The following DENND1A variants were observed in gnomAD, a reference collection of about 807,000 sequenced individuals.
DENND1A encodes the protein DENN domain containing 1A.
Under a neutral mutation model 113.7 loss-of-function variants are expected in DENND1A, and 51 were observed. The ratio of observed to expected loss-of-function variants is 0.45; its 90% CI spans 0.36 to 0.57. The LOEUF is 0.57. Among genes scored for constraint, DENND1A ranks in the 20% least tolerant of loss-of-function variants. The probability of loss-of-function intolerance (pLI) is 0.00; values close to 1 mark genes in which losing one functional copy is unlikely to be tolerated. For missense variants in DENND1A, 1,258 were observed against 1,395.9 expected, an observed-to-expected ratio of 0.90 and a Z score of 1.57; for synonymous variants, 565 against 570.8, an observed-to-expected ratio of 0.99 and a Z score of 0.14.
At chr9:123,642,919 G>A (rs545467295) in intron 9 of DENND1A, among the ~76,000 whole-genome samples, 97 of 152,332 alleles carry the variant, frequency 6.4e-4, no homozygotes, top group Middle Eastern at 3.4e-3. Flanking sequence ...ACAAGGTGGC[G>A]TTCGTCAGGA....
chr9:123,437,798 A>G (rs918055592), intron 19 of DENND1A: 2 of 152,092 alleles, frequency 1.3e-5, no homozygotes, highest in African/African-American at 4.8e-5. Flanking sequence ...CCTCAAAGGG[A>G]TGTGGTGGAG....
intron 11 of DENND1A, among the ~76,000 whole-genome samples, chr9:123,598,871 G>A (rs1444196222): frequency 6.6e-6 from 1 of 152,132 alleles, no homozygotes; most frequent in Non-Finnish European, 1.5e-5. Flanking sequence ...TAGGCACCAA[G>A]GTTTAGCAGA....
At position 123,381,359 on chromosome 9, in the gene DENND1A, C is replaced by CG; in HGVS notation, c.*72dup. ...CAGAACCTGGGCAGAGAGAGAGTGG[C>CG]GGGGGAGCCTCGGAACCGCAGCAGT... On this transcript the variant is annotated 3_prime_UTR_variant, in exon 24 of 24. Coordinates refer to ENST00000394215, the MANE Select transcript of DENND1A (RefSeq NM_001352964.2). This position sits in a 1 kb window ranked among gnomAD's most constrained non-coding sequence, Gnocchi z 4.7. The CG allele has an allele frequency of 7.2e-7, 1 of 1,383,880 alleles. No homozygotes were observed. The highest frequency in any genetic ancestry group is 9.8e-7 in the Non-Finnish European group (1 of 1,021,104). The allele number at this position is 1,383,880 out of a possible 1,614,324, so 85.7% of individuals were successfully genotyped here.
chr9:123,805,977 G>A (rs1473139797), intron 2 of DENND1A, among the ~76,000 whole-genome samples: 1 of 152,014 alleles, frequency 6.6e-6, no homozygotes, highest in East Asian at 1.9e-4. Context: ...GTTTTCAGAT[G>A]GAGTCTCGCT....
At chr9:123,836,049 CTAT>C (rs1841005293) in intron 2 of DENND1A, among the ~76,000 whole-genome samples, 1 of 152,072 alleles carries the variant, frequency 6.6e-6, no homozygotes, top group Non-Finnish European at 1.5e-5. Flanking sequence ...TTGGCAGTTA[CTAT>C]TATTATTTCT....
At chr9:123,723,391 A>G (rs2067479523) in intron 5 of DENND1A, among the ~76,000 whole-genome samples, 1 of 151,986 alleles carries the variant, frequency 6.6e-6, no homozygotes. Context: ...ACTTTGGGGG[A>G]CTGTTGGGAA....
At chr9:123,651,083 A>T (rs948782496) in intron 9 of DENND1A, among the ~76,000 whole-genome samples, 1 of 151,944 alleles carries the variant, frequency 6.6e-6, no homozygotes, top group African/African-American at 2.4e-5. Context: ...GAATTTTCAT[A>T]AAAAATATTG....
At chr9:123,702,979 A>G (rs1325389498) in intron 5 of DENND1A, among the ~76,000 whole-genome samples, 1 of 152,198 alleles carries the variant, frequency 6.6e-6, no homozygotes, top group Non-Finnish European at 1.5e-5. Context: ...AAAAATAACT[A>G]CAATGATTTT....
intron 21 of DENND1A, 130 bp downstream of exon 21, chr9:123,403,272 T>C: frequency 1.1e-6 from 1 of 876,360 alleles, no homozygotes; most frequent in Admixed American, 2.2e-5. Context: ...GAATGACCCC[T>C]TTGTGAAACA....
At chr9:123,887,034 A>G (rs1849202560) in intron 1 of DENND1A, among the ~76,000 whole-genome samples, 1 of 152,162 alleles carries the variant, frequency 6.6e-6, no homozygotes, top group South Asian at 2.1e-4. Flanking sequence ...AGAGAGACAA[A>G]GCCTGAACAC....
At chr9:123,707,178 T>C (rs1320900811) in intron 5 of DENND1A, among the ~76,000 whole-genome samples, 1 of 152,194 alleles carries the variant, frequency 6.6e-6, no homozygotes, top group African/African-American at 2.4e-5. Context: ...GCGGATCACC[T>C]GATATCAGGA....
intron 4 of DENND1A, among the ~76,000 whole-genome samples, chr9:123,760,647 T>A (rs1235820800): frequency 6.6e-6 from 1 of 152,246 alleles, no homozygotes; most frequent in African/African-American, 2.4e-5. Context: ...ATGCCTGTTA[T>A]GTTTTATCCA....
chr9:123,584,445 C>T (rs775211954), intron 11 of DENND1A, among the ~76,000 whole-genome samples: 30 of 152,178 alleles, frequency 2.0e-4, no homozygotes, highest in African/African-American at 1.7e-4. Flanking sequence ...TGGCACCAGT[C>T]GGGGAATGGG....
Position 123,574,916 on chromosome 9 carries a change from C to T in DENND1A, c.867+8253G>A, listed in dbSNP as rs79628866. Among the ~76,000 whole-genome samples the T allele has an allele frequency of 5.2e-3, 788 of 152,326 alleles. 6 individuals are homozygous for T. Among genetic ancestry groups the T allele is most frequent in the South Asian group, 8.3e-3 (40 of 4,822 alleles). On this transcript the variant is annotated intron_variant, in intron 12 of 23. Transcript: ENST00000394215. ...ACTCCAGACTTTATTGTGATTTCAT[C>T]AGTTTTCCATTCATGCCATTTTTCT...
intron 10 of DENND1A, among the ~76,000 whole-genome samples, chr9:123,624,399 C>G (rs191275958): frequency 6.6e-6 from 1 of 152,318 alleles, no homozygotes; most frequent in East Asian, 1.9e-4. Context: ...GTGGTAGTGG[C>G]TGAAGGTGGT....
intron 2 of DENND1A, among the ~76,000 whole-genome samples, chr9:123,813,495 C>T (rs184057566): frequency 9.9e-4 from 148 of 150,186 alleles, no homozygotes; most frequent in African/African-American, 3.1e-3. Flanking sequence ...CTAAGGGCAG[C>T]TGGCAAAGCC....
intron 1 of DENND1A, among the ~76,000 whole-genome samples, chr9:123,926,785 C>G (rs921006950): frequency 2.6e-5 from 4 of 151,834 alleles, no homozygotes; most frequent in African/African-American, 9.7e-5. Flanking sequence ...CAACCATGTG[C>G]CAGGCATTGA....
chr9:123,424,799 T>C (rs2045587877), intron 19 of DENND1A, among the ~76,000 whole-genome samples: 1 of 152,242 alleles, frequency 6.6e-6, no homozygotes, highest in East Asian at 1.9e-4. Context: ...TAGAGGGCTG[T>C]TGAGAACATT....
chr9:123,414,212 G>A lies in DENND1A; in HGVS notation c.1489-2383C>T, dbSNP rs1035577669. 8.7e-6 allele frequency: 10 copies of A among 1,148,506 alleles called. 1 individual carries two copies. The Admixed American group carries it at 3.5e-4, about 40-fold the overall frequency. 71.1% of individuals were successfully genotyped at this position (1,148,506 alleles called of 1,614,324 possible). On this transcript the variant is annotated intron_variant, in intron 19 of 23. Coordinates refer to ENST00000394215, the MANE Select transcript of DENND1A (RefSeq NM_001352964.2). ...AAGCCTTACTGTCCTCATCTGTGAA[G>A]TACAGGTAACAGCACTGCCTACCCG...
Sources: allele counts gnomAD v4.1 joint callset (sites outside exome capture counted in the v4.1 genomes callset), GRCh38; gene constraint gnomAD v4.1.1; non-coding constraint Gnocchi (gnomAD v3.1); transcripts MANE v1.5; gene names NCBI Gene and HGNC (gene_info 2026-07-23, HGNC 2026-07-21).